The following DDX5 variants were observed in gnomAD, a reference collection of about 807,000 sequenced individuals.
DDX5 encodes the protein probable ATP-dependent RNA helicase DDX5.
DDX5 carries 6 observed loss-of-function variants against 68.6 expected under a neutral mutation model. That is an observed-to-expected ratio of 0.09 (90% CI 0.05 to 0.17). The LOEUF is 0.17. Ranked by LOEUF, DDX5 falls within the 10% of genes least tolerant of loss-of-function variation. The pLI, the probability that DDX5 is intolerant of heterozygous loss-of-function variation, is 1.00. For missense variants in DDX5, 499 were observed against 756.1 expected (o/e 0.66, Z 3.99); for synonymous variants, 350 against 247.0 (o/e 1.42, Z -3.91).
intron 1 of DDX5, chr17:64,505,733 C>G (rs1555672221): frequency 2.0e-6 from 3 of 1,536,008 alleles, no homozygotes; most frequent in African/African-American, 2.7e-5. Context: ...AAACACCTCC[C>G]GAAACGCCGC....
At chr17:64,501,971 T>C (rs782030430) in intron 11 of DDX5, 39 bp downstream of exon 11, 3 of 1,597,908 alleles carry the variant, frequency 1.9e-6, no homozygotes, top group Admixed American at 3.4e-5. Flanking sequence ...AATGGAGATC[T>C]TCTGGGAAAC....
chr17:64,502,347 A>G, intron 9 of DDX5, 92 bp downstream of exon 9: 1 of 1,446,260 alleles, frequency 6.9e-7, no homozygotes, highest in East Asian at 2.3e-5. Context: ...ATTCACTATC[A>G]GATATGAAAA....
At chr17:64,505,673 G>A in intron 1 of DDX5, 6 of 1,461,434 alleles carry the variant, frequency 4.1e-6, no homozygotes, top group East Asian at 2.5e-5. Context: ...AACAGCACCA[G>A]GGCTTTGGAA....
In DDX5 at chr17:64,503,856, C is replaced by T; in HGVS notation, c.454G>A (p.Ala152Thr). Residue 152 changes from alanine (A) to threonine (T), a missense_variant, in exon 5 of 13, where the codon GCC becomes ACC. Coordinates refer to ENST00000225792, the MANE Select transcript of DDX5 (RefSeq NM_004396.5). ...SGKTLSYLLP[A>T]IVHINHQPFL... ...GGCTGATGATTGATGTGGACAATGG[C>T]AGGAAGCAAATACTATTTAGGGTGA... The T allele has an allele frequency of 6.2e-7, 1 of 1,614,164 alleles. No homozygotes were observed. The highest frequency in any genetic ancestry group is 8.5e-7 in the Non-Finnish European group (1 of 1,180,034).
upstream of DDX5, chr17:64,506,312 C>A (rs1339530254): frequency 2.7e-5 from 40 of 1,506,156 alleles, no homozygotes; most frequent in Non-Finnish European, 3.4e-5. Flanking sequence ...CCGGCAGCCG[C>A]TTTTATAGTC....
Position 64,503,038 on chromosome 17 carries a change from C to T in DDX5, c.871G>A (p.Glu291Lys). ...TWPKEVRQLA[E>K]DFLKDYIHIN... ...TGAATATAGTCTTTCAGGAAATCTT[C>T]AGCAAGCTGTCTTACTTCTTTTGGC... The change falls in exon 8 of 13, where the codon GAA becomes AAA. Residue 291 changes from glutamate (E) to lysine (K), a missense_variant. Transcript: ENST00000225792. The T allele has an allele frequency of 6.2e-7, 1 of 1,614,158 alleles. No individual in the cohort carries two copies. Among genetic ancestry groups the T allele is most frequent in the Non-Finnish European group, 8.5e-7 (1 of 1,180,028 alleles).
intron 1 of DDX5, 56 bp downstream of exon 1, chr17:64,506,020 A>ACCCCCCCCCCCCCCCCCCCCCCC: frequency 1.2e-6 from 1 of 868,082 alleles, no homozygotes; most frequent in Non-Finnish European, 1.7e-6. Context: ...CGCCACCCTG[A>ACCCCCCCCCCCCCCCCCCCCCCC]CCCGCCCTCC....
At chr17:64,500,432 T>C in intron 12 of DDX5, 106 bp from the exon 13 acceptor site, 1 of 1,525,344 alleles carries the variant, frequency 6.6e-7, no homozygotes, top group Non-Finnish European at 8.9e-7. Context: ...GTTTTTACAA[T>C]TTTTCAGCTT....
rs137921159 is a variant in DDX5, at chr17:64,499,045, A to C, written c.*878T>G. Among the ~76,000 whole-genome samples, 4 of 152,214 alleles carry C rather than the reference A, an allele frequency of 2.6e-5. No homozygotes were observed. The highest frequency in any genetic ancestry group is 4.8e-5 in the African/African-American group (2 of 41,434). On this transcript the variant is annotated 3_prime_UTR_variant, in exon 13 of 13. Transcript: ENST00000225792. ...TAAGAGCCCCAGGGAGCCTGTGAAG[A>C]CTAGAATCTACAAGTAACCTGCACT...
chr17:64,506,262 A>G lies in DDX5; in HGVS notation c.-143T>C, dbSNP rs1452674546. 9 of 1,541,452 alleles carry G rather than the reference A, an allele frequency of 5.8e-6. No homozygotes were observed. The highest frequency in any genetic ancestry group is 1.7e-4 in the Middle Eastern group (1 of 5,938). ...CGATGACACCAGCCGAAGCTGCACT[A>G]CTAGAGACCGGTAGAAATGAATGAG... On this transcript the variant is annotated 5_prime_UTR_variant, in exon 1 of 13. Transcript: ENST00000225792.
intron 1 of DDX5, chr17:64,505,231 C>G (rs190004324): frequency 1.2e-5 from 3 of 252,010 alleles, no homozygotes; most frequent in African/African-American, 6.8e-5. Flanking sequence ...AAGAGCATCA[C>G]GACGATGTTA....
chr17:64,501,132 C>T (rs1333489859), intron 11 of DDX5: 2 of 253,466 alleles, frequency 7.9e-6, no homozygotes, highest in African/African-American at 2.3e-5. Flanking sequence ...TTCATGTGCT[C>T]ATTTTGAGGA....
rs782236417 is a variant in DDX5 at position 64,506,123 on chromosome 17, G to C, written c.-4C>G. 1.2e-6 allele frequency: 2 copies of C among 1,610,994 alleles called. No homozygotes were observed. The highest frequency in any genetic ancestry group is 1.3e-5 in the African/African-American group (1 of 74,814). Reference sequence around the variant, plus strand: ...GGTCACTCGAATAACCCGACATGGCGTCAATGGTTGCGGTTGGCGGGGAAC... The same window carrying C: ...GGTCACTCGAATAACCCGACATGGCCTCAATGGTTGCGGTTGGCGGGGAAC... On this transcript the variant is annotated 5_prime_UTR_variant, in exon 1 of 13. Transcript: ENST00000225792.
chr17:64,504,839 A>C lies in DDX5; in HGVS notation c.48T>G (p.Phe16Leu). ...TACTTCCTCCAAATCGAGGTGCACCAAACCTGGAATGAAAAAAAACGTTAT... is the reference window on the plus strand; with the variant it reads ...TACTTCCTCCAAATCGAGGTGCACCCAACCTGGAATGAAAAAAAACGTTAT... ...SDRDRGRDRG[F>L]GAPRFGGSRA... Residue 16 changes from phenylalanine to leucine, a missense_variant, in exon 2 of 13, where the codon TTT becomes TTG. Phe to Leu is a conservative substitution (Grantham distance 22). Transcript: ENST00000225792. 6.3e-7 allele frequency: 1 copy of C among 1,594,400 alleles called. No homozygotes were observed. Among genetic ancestry groups the C allele is most frequent in the Non-Finnish European group, 8.5e-7 (1 of 1,174,828 alleles).
At chr17:64,504,992 C>G in intron 1 of DDX5, 150 bp from the exon 2 acceptor site, 1 of 620,752 alleles carries the variant, frequency 1.6e-6, no homozygotes, top group Non-Finnish European at 2.6e-6. Flanking sequence ...ATCTCTCTCT[C>G]TCTCAACAGC....
rs575309560 is a variant in DDX5 at position 64,499,291 on chromosome 17, A to G, written c.*632T>C. On this transcript the variant is annotated 3_prime_UTR_variant, in exon 13 of 13. Transcript: ENST00000225792. ...ACACTATATAGATGACTTTGTATCT[A>G]TTTTACTATTTTCTCATTTAACCAT... 6.6e-5 allele frequency among the ~76,000 whole-genome samples: 10 copies of G among 152,176 alleles called. No homozygotes were observed. The highest frequency in any genetic ancestry group is 1.2e-4 in the Non-Finnish European group (8 of 68,026).
Position 64,504,206 on chromosome 17 carries a change from G to GA in DDX5, c.307+15dup, listed in dbSNP as rs782238456. ...AACAAAAACACGGGTAGGTAGAACTGAAAAGTAGCACTTACCAGGGAAATT... is the reference window on the plus strand; with the variant it reads ...AACAAAAACACGGGTAGGTAGAACTGAAAAAGTAGCACTTACCAGGGAAATT... On this transcript the variant is annotated intron_variant, in intron 3 of 12. Transcript: ENST00000225792. 3 of 1,613,398 alleles carry GA rather than the reference G, an allele frequency of 1.9e-6. No individual in the cohort carries two copies. The highest frequency in any genetic ancestry group is 2.5e-6 in the Non-Finnish European group (3 of 1,179,448).
Position 64,506,152 on chromosome 17 carries a change from G to C in DDX5, c.-33C>G, listed in dbSNP as rs782507196. On this transcript the variant is annotated 5_prime_UTR_variant, in exon 1 of 13. Transcript: ENST00000225792. ...ATGGTTGCGGTTGGCGGGGAACGAAGTATATAGAAAAGCGTGCGACAAGTC... is the reference window on the plus strand; with the variant it reads ...ATGGTTGCGGTTGGCGGGGAACGAACTATATAGAAAAGCGTGCGACAAGTC... 2.5e-6 allele frequency: 4 copies of C among 1,606,838 alleles called. No homozygotes were observed. Among genetic ancestry groups the C allele is most frequent in the Non-Finnish European group, 3.4e-6 (4 of 1,176,980 alleles).
chr17:64,504,382 G>A (rs1263013148), intron 2 of DDX5, 64 bp from the exon 3 acceptor site: 10 of 1,371,570 alleles, frequency 7.3e-6, no homozygotes, highest in African/African-American at 2.9e-5. Context: ...ATACGTAATT[G>A]ATAAGCCCCT....
Sources: allele counts gnomAD v4.1 joint callset (sites outside exome capture counted in the v4.1 genomes callset), GRCh38; gene constraint gnomAD v4.1.1; transcripts MANE v1.5; gene names NCBI Gene and HGNC (gene_info 2026-07-23, HGNC 2026-07-21).